The following VAT1L variants were observed in gnomAD, a reference collection of about 807,000 sequenced individuals.
The protein encoded by VAT1L is vesicle amine transport 1 like.
Under a neutral mutation model 44.1 loss-of-function variants are expected in VAT1L, and 34 were observed. That is an observed-to-expected ratio of 0.77 (90% CI 0.59 to 1.03). The LOEUF is 1.03. VAT1L is among the 50% of genes least tolerant of loss of function. VAT1L has a pLI of 0.00. For missense variants in VAT1L, 615 were observed against 538.8 expected (o/e 1.14, Z -1.40); for synonymous variants, 253 against 202.2 (o/e 1.25, Z -2.13).
chr16:77,793,182 G>A (rs959449115), intron 1 of VAT1L, among the ~76,000 whole-genome samples: 1 of 152,172 alleles, frequency 6.6e-6, no homozygotes, highest in African/African-American at 2.4e-5. Flanking sequence ...TGTGATCATG[G>A]TTCACTGCCA....
chr16:77,883,890 T>C (rs969020287), intron 6 of VAT1L, among the ~76,000 whole-genome samples: 3 of 152,102 alleles, frequency 2.0e-5, no homozygotes, highest in Non-Finnish European at 1.5e-5. Context: ...CCCCACCACA[T>C]TGTGTAAACT....
intron 1 of VAT1L, among the ~76,000 whole-genome samples, chr16:77,805,747 C>T (rs1800949781): frequency 1.3e-5 from 2 of 152,018 alleles, no homozygotes; most frequent in Non-Finnish European, 2.9e-5. Flanking sequence ...CGACTTCCCA[C>T]AGACACATAG....
intron 7 of VAT1L, among the ~76,000 whole-genome samples, chr16:77,938,105 A>G (rs1463859218): frequency 6.6e-6 from 1 of 152,146 alleles, no homozygotes; most frequent in Non-Finnish European, 1.5e-5. Context: ...ACCACTTGGG[A>G]CCAGTTCCTG....
intron 3 of VAT1L, among the ~76,000 whole-genome samples, chr16:77,853,095 A>T (rs1446763946): frequency 6.6e-6 from 1 of 152,246 alleles, no homozygotes; most frequent in Non-Finnish European, 1.5e-5. Flanking sequence ...CAGTCTAAGT[A>T]GAAGAAAAGG....
At chr16:77,974,904 C>T (rs1168788620) in intron 8 of VAT1L, among the ~76,000 whole-genome samples, 2 of 151,914 alleles carry the variant, frequency 1.3e-5, no homozygotes, top group Non-Finnish European at 2.9e-5. Context: ...CCTAAAGAAA[C>T]AAAAAGACAG....
In VAT1L at chr16:77,825,367, C is replaced by G; in HGVS notation, c.485C>G (p.Pro162Arg). ...DMSFSEAAAFPMNFVTAYVML... is the reference protein window; with the variant it reads ...DMSFSEAAAFRMNFVTAYVML... ...AGCTTCTCCGAGGCTGCTGCATTCC[C>G]CATGAACTTCGTCACAGCCTATGTG... Residue 162 changes from proline to arginine, a missense_variant, in exon 3 of 9, where the codon CCC becomes CGC. By Grantham distance (103) the Pro-to-Arg change is moderately radical. Coordinates refer to ENST00000302536, the MANE Select transcript of VAT1L (RefSeq NM_020927.3). The G allele has an allele frequency of 1.9e-6, 3 of 1,614,082 alleles. No homozygotes were observed. The highest frequency in any genetic ancestry group is 2.5e-6 in the Non-Finnish European group (3 of 1,180,010).
rs560311426 is a variant in VAT1L, at chr16:77,868,071, G to A, written c.722+5181G>A. On this transcript the variant is annotated intron_variant, in intron 4 of 8. Coordinates refer to ENST00000302536, the MANE Select transcript of VAT1L (RefSeq NM_020927.3). ...ATGTATTTAATACACCTAACCTACT[G>A]AATGTCATAGCTTAGCTTAGCCTAC... Among the ~76,000 whole-genome samples the A allele has an allele frequency of 1.0e-3, 152 of 152,220 alleles. 1 individual carries two copies. Among genetic ancestry groups the A allele is most frequent in the Non-Finnish European group, 1.6e-3 (112 of 68,024 alleles).
At chr16:77,871,708 G>A (rs1261709272) in intron 4 of VAT1L, among the ~76,000 whole-genome samples, 5 of 152,170 alleles carry the variant, frequency 3.3e-5, no homozygotes, top group Non-Finnish European at 7.3e-5. Context: ...AGGCATAAAT[G>A]TAGCCTGGAT....
Position 77,825,238 on chromosome 16 carries a change from A to T in VAT1L, c.364-8A>T. On this transcript the variant is annotated splice_polypyrimidine_tract_variant and splice_region_variant and intron_variant, in intron 2 of 8. Coordinates refer to ENST00000302536, the MANE Select transcript of VAT1L (RefSeq NM_020927.3). ...GCCTCCACTAACTCTGTGTTTCCCC[A>T]TGCCCAGATTGGAGACCGTGTCATG... 1 of 1,613,856 alleles carries T rather than the reference A, an allele frequency of 6.2e-7. No homozygotes were observed. Among genetic ancestry groups the T allele is most frequent in the Non-Finnish European group, 8.5e-7 (1 of 1,180,016 alleles).
intron 1 of VAT1L, among the ~76,000 whole-genome samples, chr16:77,797,885 G>T (rs2015967046): frequency 1.3e-5 from 2 of 152,192 alleles, no homozygotes; most frequent in South Asian, 2.1e-4. Context: ...ATTCCTCTGT[G>T]TGTGATCTCA....
chr16:77,844,689 G>A (rs1012063290), intron 3 of VAT1L, among the ~76,000 whole-genome samples: 1 of 152,248 alleles, frequency 6.6e-6, no homozygotes, highest in African/African-American at 2.4e-5. Flanking sequence ...GATTACAGGC[G>A]TGAGCCACCA....
intron 7 of VAT1L, among the ~76,000 whole-genome samples, chr16:77,910,030 T>G (rs1291912714): frequency 6.6e-6 from 1 of 152,252 alleles, no homozygotes; most frequent in Non-Finnish European, 1.5e-5. Flanking sequence ...AAACTTCTCA[T>G]TTCTCTTTAG....
intron 7 of VAT1L, among the ~76,000 whole-genome samples, chr16:77,897,762 A>C (rs1300529865): frequency 2.0e-5 from 3 of 152,204 alleles, no homozygotes. Flanking sequence ...GGTGTGAGCC[A>C]CTGCGCCCAG....
intron 7 of VAT1L, among the ~76,000 whole-genome samples, chr16:77,945,301 GAGAA>G (rs2017947535): frequency 7.3e-4 from 1 of 1,362 alleles, no homozygotes; most frequent in South Asian, 0.056. Flanking sequence ...TTTTGAGAGA[GAGAA>G]AGAGTGTGTC....
chr16:77,977,771 C>A lies in VAT1L; in HGVS notation c.*76C>A, dbSNP rs1222700071. 4.3e-6 allele frequency: 6 copies of A among 1,393,620 alleles called. No individual in the cohort carries two copies. The highest frequency in any genetic ancestry group is 6.0e-6 in the Non-Finnish European group (6 of 1,002,368). The allele number at this position is 1,393,620 out of a possible 1,614,324, so 86.3% of individuals were successfully genotyped here. ...CGGCTGAGAAAACTCTTCTGTGCCC[C>A]AGTGAACAAATGCTGTAGTCCAGTG... On this transcript the variant is annotated 3_prime_UTR_variant, in exon 9 of 9. Coordinates refer to ENST00000302536, the MANE Select transcript of VAT1L (RefSeq NM_020927.3).
At chr16:77,816,514 G>A (rs1330225984) in intron 1 of VAT1L, among the ~76,000 whole-genome samples, 1 of 152,138 alleles carries the variant, frequency 6.6e-6, no homozygotes, top group African/African-American at 2.4e-5. Flanking sequence ...TGCTTTCCAT[G>A]TGTCTGTTTA....
chr16:77,972,085 G>A, intron 8 of VAT1L, 152 bp downstream of exon 8: 1 of 663,470 alleles, frequency 1.5e-6, no homozygotes, highest in Non-Finnish European at 2.5e-6. Context: ...ATACATGAGG[G>A]ATTCATGACA....
chr16:77,788,985 C>T, intron 1 of VAT1L, 70 bp downstream of exon 1: 6 of 1,421,086 alleles, frequency 4.2e-6, no homozygotes, highest in Non-Finnish European at 5.5e-6. Context: ...GGTGGGAAAG[C>T]TGCGGCTGGG....
intron 2 of VAT1L, among the ~76,000 whole-genome samples, chr16:77,821,360 G>A (rs369024128): frequency 5.9e-5 from 9 of 151,450 alleles, no homozygotes; most frequent in East Asian, 5.8e-4. Flanking sequence ...AAGTGCACTG[G>A]CATGATCTCA....
Sources: gnomAD v4.1 joint callset for allele counts (sites outside exome capture counted in the v4.1 genomes callset) on GRCh38, gnomAD v4.1.1 for gene constraint, MANE v1.5 for transcripts, NCBI Gene and HGNC (gene_info 2026-07-23, HGNC 2026-07-21) for gene names.